Variants in CORO2B observed in about 807,000 individuals in gnomAD.
CORO2B encodes the protein coronin 2B, also known as coronin-2B.
In CORO2B, 26 loss-of-function variants were observed where a neutral mutation model predicts 58.8. The ratio of observed to expected loss-of-function variants is 0.44; its 90% CI spans 0.32 to 0.61. CORO2B has a LOEUF of 0.61. Ranked by LOEUF, CORO2B falls within the 20% of genes least tolerant of loss-of-function variation. The pLI is 0.04. For synonymous variants in CORO2B, 242 were observed against 253.8 expected, an observed-to-expected ratio of 0.95 and a Z score of 0.44; for missense variants, 460 against 645.1, an observed-to-expected ratio of 0.71 and a Z score of 3.11.
the CORO2B span, among the ~76,000 whole-genome samples, chr15:68,521,539 C>CT: frequency 5.3e-5 from 8 of 152,036 alleles, no homozygotes; most frequent in African/African-American, 1.9e-4. Flanking sequence ...CTTACATTTC[C>CT]TTTTTTGCCA....
In CORO2B at chr15:68,645,323, C is replaced by T. The variant is rs1309493364; in HGVS notation, c.179C>T (p.Ala60Val). 6.2e-7 allele frequency: 1 copy of T among 1,612,976 alleles called. No individual in the cohort carries two copies. Among genetic ancestry groups the T allele is most frequent in the African/African-American group, 1.3e-5 (1 of 75,034 alleles). The change falls in exon 2 of 12, where the codon GCA (alanine) becomes GTA (valine). Residue 60 changes from alanine (A) to valine (V), a missense_variant. By Grantham distance (64) the Ala-to-Val change is moderately conservative. Transcript: ENST00000261861. This position sits in a 1 kb window ranked among gnomAD's most constrained non-coding sequence, Gnocchi z 4.5. ...TRFLAIVTES[A>V]GGGSFLVIPL... ...TTCCTGGCCATCGTCACCGAGAGCG[C>T]AGGGGGCGGCTCCTTCCTCGTCATC... is the stretch of plus-strand genomic sequence containing the variant.
intron 2 of CORO2B, among the ~76,000 whole-genome samples, chr15:68,656,093 A>T (rs922540319): frequency 6.6e-6 from 1 of 151,906 alleles, no homozygotes; most frequent in Non-Finnish European, 1.5e-5. Context: ...TTTAGTCCTT[A>T]GGGCAGTTTG....
In CORO2B at chr15:68,579,134, G is replaced by A. The variant is rs1238296734; in HGVS notation, c.-129G>A. 1.0e-6 allele frequency: 1 copy of A among 981,504 alleles called. No homozygotes were observed. The allele number at this position is 981,504 out of a possible 1,614,324, so 60.8% of individuals were successfully genotyped here. A position where few individuals can be genotyped will look rare whatever the true frequency, so the allele number is the denominator to read the frequency against. On this transcript the variant is annotated 5_prime_UTR_variant, in exon 1 of 12. Transcript: ENST00000261861. The stretch of plus-strand genomic sequence containing the variant: ...CGCCCGGAGCGCAGCCCCCAGGCTC[G>A]GCCGAGCCGCCGGCGGGGCGCGGGG...
chr15:68,591,152 G>A (rs962508667), intron 1 of CORO2B, among the ~76,000 whole-genome samples: 6 of 152,166 alleles, frequency 3.9e-5, no homozygotes, highest in Admixed American at 2.0e-4. Flanking sequence ...GGGTGGAGGC[G>A]TGGAACAGCA....
At chr15:68,529,838 T>C in the CORO2B span, among the ~76,000 whole-genome samples, 1 of 152,252 alleles carries the variant, frequency 6.6e-6, no homozygotes, top group Non-Finnish European at 1.5e-5. Flanking sequence ...CAAATTTTGT[T>C]ATGTAGAATT....
At chr15:68,664,946 G>A (rs1263597983) in intron 2 of CORO2B, among the ~76,000 whole-genome samples, 3 of 152,084 alleles carry the variant, frequency 2.0e-5, no homozygotes, top group South Asian at 2.1e-4. Context: ...GCAAGTATAC[G>A]TTTCAAATGG....
At chr15:68,579,751 C>T (rs1444405960) in intron 1 of CORO2B, among the ~76,000 whole-genome samples, 2 of 152,212 alleles carry the variant, frequency 1.3e-5, no homozygotes, top group African/African-American at 4.8e-5. Context: ...GCCGGGAGCG[C>T]TGGCTCCACT....
intron 1 of CORO2B, among the ~76,000 whole-genome samples, chr15:68,603,073 A>G (rs1900023617): frequency 1.3e-5 from 2 of 152,110 alleles, no homozygotes; most frequent in Admixed American, 1.3e-4. Context: ...GTCTGTTAGG[A>G]TAGGAGGTGA....
chr15:68,706,178 C>A (rs1235870237), intron 3 of CORO2B, among the ~76,000 whole-genome samples: 1 of 152,190 alleles, frequency 6.6e-6, no homozygotes, highest in African/African-American at 2.4e-5. Flanking sequence ...CCAGGCTGAC[C>A]CCCGTGCAGG....
At chr15:68,679,955 C>A (rs1902722486) in intron 2 of CORO2B, among the ~76,000 whole-genome samples, 1 of 152,220 alleles carries the variant, frequency 6.6e-6, no homozygotes, top group African/African-American at 2.4e-5. Flanking sequence ...GCCAGAGGTC[C>A]CCTGCCCTGC....
At chr15:68,689,205 TC>T (rs143129223) in intron 2 of CORO2B, among the ~76,000 whole-genome samples, 3,521 of 151,868 alleles carry the variant, frequency 0.023, 138 homozygotes, top group African/African-American at 0.078. Flanking sequence ...GGTTATAGAC[TC>T]CAAAGAATAG....
chr15:68,661,211 C>T (rs1022677337), intron 2 of CORO2B, among the ~76,000 whole-genome samples: 3 of 152,130 alleles, frequency 2.0e-5, no homozygotes, highest in Admixed American at 6.5e-5. Flanking sequence ...CTCCTGTCCT[C>T]AAGTGATCCA....
the CORO2B span, among the ~76,000 whole-genome samples, chr15:68,545,051 G>C: frequency 6.6e-6 from 1 of 152,174 alleles, no homozygotes; most frequent in South Asian, 2.1e-4. Context: ...TGGGATTACA[G>C]GCTTGAGCCA....
At chr15:68,564,121 A>C in the CORO2B span, among the ~76,000 whole-genome samples, 1 of 152,122 alleles carries the variant, frequency 6.6e-6, no homozygotes, top group Non-Finnish European at 1.5e-5. Context: ...TAAAACTTAG[A>C]CCATTGCTGT....
chr15:68,631,935 C>T (rs1900844090), intron 1 of CORO2B: 2 of 985,452 alleles, frequency 2.0e-6, no homozygotes, highest in Non-Finnish European at 2.4e-6. Flanking sequence ...CCAGGGAGGG[C>T]CACATGCCAT....
chr15:68,654,753 A>G (rs1023086733), intron 2 of CORO2B, among the ~76,000 whole-genome samples: 8 of 152,224 alleles, frequency 5.3e-5, no homozygotes, highest in African/African-American at 1.7e-4. Flanking sequence ...AACGGGAGCC[A>G]TGGTGATGCC....
chr15:68,705,513 A>G (rs1217341637), intron 3 of CORO2B, among the ~76,000 whole-genome samples: 1 of 151,932 alleles, frequency 6.6e-6, no homozygotes, highest in Non-Finnish European at 1.5e-5. Flanking sequence ...CTGGTATCAA[A>G]TGGGGATAAA....
At chr15:68,536,819 T>G in the CORO2B span, among the ~76,000 whole-genome samples, 1 of 152,230 alleles carries the variant, frequency 6.6e-6, no homozygotes, top group Non-Finnish European at 1.5e-5. Flanking sequence ...AGAGACACTT[T>G]CTGGAAAATA....
At chr15:68,598,344 CG>C (rs1899892793) in intron 1 of CORO2B, among the ~76,000 whole-genome samples, 1 of 152,142 alleles carries the variant, frequency 6.6e-6, no homozygotes. Flanking sequence ...TGCACGTAAG[CG>C]TGTGCTTTGG....
Sources: allele counts gnomAD v4.1 joint callset (sites outside exome capture counted in the v4.1 genomes callset), GRCh38; gene constraint gnomAD v4.1.1; non-coding constraint Gnocchi (gnomAD v3.1); transcripts MANE v1.5; gene names NCBI Gene and HGNC (gene_info 2026-07-23, HGNC 2026-07-21).